Variants in AGBL4 observed in about 807,000 individuals in gnomAD.
The protein encoded by AGBL4 is cytosolic carboxypeptidase 6.
In AGBL4, 58 loss-of-function variants were observed where a neutral mutation model predicts 66.4. That is an observed-to-expected ratio of 0.87 (90% CI 0.71 to 1.09). The LOEUF is 1.09. Among genes scored for constraint, AGBL4 ranks in the 50% least tolerant of loss-of-function variants. The pLI, the probability that AGBL4 is intolerant of heterozygous loss-of-function variation, is 0.00. For missense variants in AGBL4, 579 were observed against 631.0 expected (o/e 0.92, Z 0.88); for synonymous variants, 234 against 222.9 (o/e 1.05, Z -0.44).
intron 6 of AGBL4, among the ~76,000 whole-genome samples, chr1:48,703,493 T>G (rs1227524060): frequency 1.3e-5 from 2 of 152,034 alleles, no homozygotes; most frequent in Non-Finnish European, 2.9e-5. Context: ...ATATTCCTGG[T>G]AGGGATGGGG....
intron 2 of AGBL4, among the ~76,000 whole-genome samples, chr1:49,737,359 A>T (rs1649981455): frequency 6.6e-6 from 1 of 152,254 alleles, no homozygotes; most frequent in South Asian, 2.1e-4. Context: ...GAAATAAAAA[A>T]AATAAAATCA....
intron 3 of AGBL4, among the ~76,000 whole-genome samples, chr1:49,348,592 A>T (rs919793527): frequency 6.6e-6 from 1 of 152,228 alleles, no homozygotes; most frequent in Non-Finnish European, 1.5e-5. Flanking sequence ...GGAAGAGGCA[A>T]GGAATGTTTT....
intron 2 of AGBL4, among the ~76,000 whole-genome samples, chr1:49,729,083 G>A (rs137881493): frequency 6.6e-6 from 1 of 152,264 alleles, no homozygotes; most frequent in African/African-American, 2.4e-5. Context: ...TCTAAGAGCT[G>A]TCAATAAATC....
chr1:48,999,786 C>T (rs556508872), intron 5 of AGBL4, among the ~76,000 whole-genome samples: 1 of 152,236 alleles, frequency 6.6e-6, no homozygotes, highest in South Asian at 2.1e-4. Context: ...AAACCTTTCC[C>T]TGAATCTCCA....
At chr1:49,878,732 G>A (rs540012432) in intron 1 of AGBL4, among the ~76,000 whole-genome samples, 8 of 150,352 alleles carry the variant, frequency 5.3e-5, no homozygotes, top group Non-Finnish European at 8.9e-5. Flanking sequence ...TTTCTGTCTC[G>A]TTGATCTGTC....
chr1:49,782,639 A>G (rs1172068736), intron 2 of AGBL4, among the ~76,000 whole-genome samples: 1 of 152,228 alleles, frequency 6.6e-6, no homozygotes, highest in Non-Finnish European at 1.5e-5. Context: ...GCCAATGCAC[A>G]GTGTTGGTAA....
chr1:48,754,015 G>C (rs1201810836), intron 6 of AGBL4, among the ~76,000 whole-genome samples: 1 of 152,156 alleles, frequency 6.6e-6, no homozygotes, highest in Admixed American at 6.5e-5. Flanking sequence ...CATCCTGAAG[G>C]CAAGGATTAT....
At chr1:48,631,378 G>A (rs1645589892) in intron 9 of AGBL4, among the ~76,000 whole-genome samples, 1 of 152,130 alleles carries the variant, frequency 6.6e-6, no homozygotes, top group Admixed American at 6.6e-5. Context: ...ACTGTGCTAG[G>A]TGTTTTTGCA....
At chr1:49,719,412 A>G (rs1252012698) in intron 2 of AGBL4, among the ~76,000 whole-genome samples, 2 of 152,110 alleles carry the variant, frequency 1.3e-5, no homozygotes, top group African/African-American at 4.8e-5. Flanking sequence ...AATTTACCAA[A>G]TGGTGCCTGC....
chr1:48,977,212 G>A (rs1042054232), intron 5 of AGBL4, among the ~76,000 whole-genome samples: 4 of 152,150 alleles, frequency 2.6e-5, no homozygotes, highest in African/African-American at 4.8e-5. Flanking sequence ...CCAGTTATAA[G>A]CTCTGTGACT....
chr1:49,445,422 C>T (rs1212798075), intron 3 of AGBL4, among the ~76,000 whole-genome samples: 1 of 152,086 alleles, frequency 6.6e-6, no homozygotes, highest in Non-Finnish European at 1.5e-5. Context: ...CTATTATTTC[C>T]TTAAATAGGT....
chr1:49,450,614 C>A (rs1392707105), intron 3 of AGBL4, among the ~76,000 whole-genome samples: 2 of 152,052 alleles, frequency 1.3e-5, no homozygotes, highest in East Asian at 3.9e-4. Context: ...ACAACATCTT[C>A]AAATTCATTG....
intron 3 of AGBL4, among the ~76,000 whole-genome samples, chr1:49,522,612 T>A (rs952006119): frequency 2.6e-5 from 4 of 152,112 alleles, no homozygotes; most frequent in African/African-American, 4.8e-5. Flanking sequence ...TGAATAAACA[T>A]TTTCTTTTTC....
chr1:48,837,238 C>A (rs984200231), intron 6 of AGBL4, among the ~76,000 whole-genome samples: 5 of 151,906 alleles, frequency 3.3e-5, no homozygotes, highest in Admixed American at 6.6e-5. Context: ...ACTGTAGAGG[C>A]TAGTTACGGG....
chr1:49,131,137 G>C (rs997503559), intron 4 of AGBL4, among the ~76,000 whole-genome samples: 2 of 152,008 alleles, frequency 1.3e-5, no homozygotes, highest in African/African-American at 4.8e-5. Context: ...AGGCATGAAA[G>C]AATATATATT....
At chr1:49,169,273 T>C (rs1646689226) in intron 4 of AGBL4, among the ~76,000 whole-genome samples, 1 of 152,180 alleles carries the variant, frequency 6.6e-6, no homozygotes, top group African/African-American at 2.4e-5. Context: ...CTGCTCTAAC[T>C]CACAGATTGC....
intron 3 of AGBL4, among the ~76,000 whole-genome samples, chr1:49,512,070 T>C (rs916584715): frequency 6.6e-6 from 1 of 152,018 alleles, no homozygotes; most frequent in African/African-American, 2.4e-5. Context: ...CAAAACACTG[T>C]TGAATAAAGT....
At chr1:49,637,841 G>A (rs918297064) in intron 3 of AGBL4, among the ~76,000 whole-genome samples, 2 of 151,942 alleles carry the variant, frequency 1.3e-5, no homozygotes, top group Non-Finnish European at 2.9e-5. Flanking sequence ...GTTTGCCATA[G>A]AATGCAAAGA....
chr1:49,169,678 T>C (rs1455178343), intron 4 of AGBL4, among the ~76,000 whole-genome samples: 1 of 152,200 alleles, frequency 6.6e-6, no homozygotes, highest in Non-Finnish European at 1.5e-5. Context: ...TCCATGTGTA[T>C]TGAGTGATTC....
Sources: gnomAD v4.1 joint callset for allele counts (sites outside exome capture counted in the v4.1 genomes callset) on GRCh38, gnomAD v4.1.1 for gene constraint, MANE v1.5 for transcripts, NCBI Gene and HGNC (gene_info 2026-07-23, HGNC 2026-07-21) for gene names.